The following TASP1 variants were observed in gnomAD, a reference collection of about 807,000 sequenced individuals.
TASP1 encodes taspase 1.
A neutral mutation model predicts 56.6 loss-of-function variants in TASP1; 16 were observed. The observed-to-expected ratio is 0.28, with a 90% CI of 0.19 to 0.43. The LOEUF is 0.43. TASP1 is among the 20% of genes least tolerant of loss of function. The pLI, the probability that TASP1 is intolerant of heterozygous loss-of-function variation, is 1.00. For synonymous variants in TASP1, 179 were observed against 184.2 expected, an observed-to-expected ratio of 0.97 and a Z score of 0.23; for missense variants, 393 against 511.6, an observed-to-expected ratio of 0.77 and a Z score of 2.24.
At chr20:13,329,070 G>A in the TASP1 span, among the ~76,000 whole-genome samples, 41 of 152,140 alleles carry the variant, frequency 2.7e-4, no homozygotes, top group Non-Finnish European at 5.6e-4. Context: ...AGCATTTGTA[G>A]CCTTTGGCAT....
At position 13,417,474 on chromosome 20, in the gene TASP1, T is replaced by A. The variant is rs769677913; in HGVS notation, c.1144A>T (p.Met382Leu). 1 of 1,614,166 alleles carries A rather than the reference T, an allele frequency of 6.2e-7. No homozygotes were observed. Among genetic ancestry groups the A allele is most frequent in the Admixed American group, 1.7e-5 (1 of 60,022 alleles). ...TTGGCTTTCCCATCCTGGGCTGACA[T>A]ATATCCGACACACATGCTCTCCGTC... ...HTTESMCVGY[M>L]SAQDGKAKTH... Residue 382 changes from methionine to leucine, a missense_variant, in exon 13 of 14, where the codon ATG becomes TTG. Met to Leu is a conservative substitution (Grantham distance 15). Around this residue, in one of 3 missense-constraint regions of TASP1, gnomAD observed 293 missense variants for 354.2 expected, o/e 0.83. Coordinates refer to ENST00000337743, the MANE Select transcript of TASP1 (RefSeq NM_017714.3).
chr20:13,472,486 G>T (rs1312499112), intron 11 of TASP1, among the ~76,000 whole-genome samples: 1 of 150,970 alleles, frequency 6.6e-6, no homozygotes, highest in South Asian at 2.1e-4. Context: ...TGACAAATGG[G>T]ATCTAATTCG....
the TASP1 span, among the ~76,000 whole-genome samples, chr20:13,273,229 T>TATTTTATTTTATTTTATTTTATTTC: frequency 2.0e-5 from 3 of 148,300 alleles, no homozygotes; most frequent in Non-Finnish European, 4.4e-5. Flanking sequence ...TATTTTATTT[T>TATTTTATTTTATTTTATTTTATTTC]ATTTTATTTT....
intron 11 of TASP1, among the ~76,000 whole-genome samples, chr20:13,454,621 C>G (rs2043758478): frequency 6.6e-6 from 1 of 152,318 alleles, no homozygotes; most frequent in Admixed American, 6.5e-5. Flanking sequence ...CAAGTGGTTA[C>G]TAACCTCGAC....
At chr20:13,621,306 C>T (rs1393077925) in intron 4 of TASP1, among the ~76,000 whole-genome samples, 10 of 152,000 alleles carry the variant, frequency 6.6e-5, no homozygotes, top group Admixed American at 5.9e-4. Flanking sequence ...TGGTGCATGC[C>T]TGTAGTCCCA....
chr20:13,447,537 A>T (rs991733711), intron 11 of TASP1, among the ~76,000 whole-genome samples: 13 of 152,076 alleles, frequency 8.5e-5, no homozygotes, highest in African/African-American at 2.9e-4. Flanking sequence ...ACTAGCACAA[A>T]TTTTATTGGC....
the TASP1 span, among the ~76,000 whole-genome samples, chr20:13,229,878 T>G: frequency 6.6e-6 from 1 of 152,190 alleles, no homozygotes; most frequent in African/African-American, 2.4e-5. Context: ...CCAATTCTGT[T>G]GTGGATTGAC....
chr20:13,187,134 GA>G, the TASP1 span, among the ~76,000 whole-genome samples: 1 of 152,070 alleles, frequency 6.6e-6, no homozygotes, highest in Non-Finnish European at 1.5e-5. Flanking sequence ...ATTGAGAAAA[GA>G]ATCAGCGCGC....
chr20:13,386,546 C>G (rs1261393525), downstream of TASP1, among the ~76,000 whole-genome samples: 3 of 152,050 alleles, frequency 2.0e-5, no homozygotes, highest in African/African-American at 4.8e-5. Flanking sequence ...AAGAATGATG[C>G]TCTTTTCTAA....
intron 4 of TASP1, among the ~76,000 whole-genome samples, chr20:13,599,330 T>C (rs886176945): frequency 6.6e-6 from 1 of 152,170 alleles, no homozygotes; most frequent in Non-Finnish European, 1.5e-5. Context: ...ATATACACCA[T>C]GGAATTCTAT....
the TASP1 span, among the ~76,000 whole-genome samples, chr20:13,364,754 T>C: frequency 6.6e-6 from 1 of 152,080 alleles, no homozygotes; most frequent in African/African-American, 2.4e-5. Flanking sequence ...TTGCTGTTCG[T>C]TAGATTGCTG....
chr20:13,457,037 C>T (rs1164925384), intron 11 of TASP1, among the ~76,000 whole-genome samples: 1 of 151,914 alleles, frequency 6.6e-6, no homozygotes, highest in South Asian at 2.1e-4. Flanking sequence ...AACCAAACAC[C>T]GCATGTTCTC....
At chr20:13,593,125 G>A (rs1240257341) in intron 4 of TASP1, among the ~76,000 whole-genome samples, 1 of 152,104 alleles carries the variant, frequency 6.6e-6, no homozygotes, top group Non-Finnish European at 1.5e-5. Flanking sequence ...TCCAGGAATA[G>A]AGGAGAATTT....
chr20:13,177,748 TA>T, the TASP1 span, among the ~76,000 whole-genome samples: 2 of 152,100 alleles, frequency 1.3e-5, no homozygotes, highest in South Asian at 4.1e-4. Context: ...TCTCATTGTA[TA>T]AAAAAATCAA....
chr20:13,486,352 T>C (rs544534482), intron 10 of TASP1, among the ~76,000 whole-genome samples: 4 of 152,294 alleles, frequency 2.6e-5, no homozygotes, highest in African/African-American at 9.6e-5. Flanking sequence ...ACAAGATTCC[T>C]AGAAGTAAAA....
At chr20:13,470,660 C>T (rs1286207693) in intron 11 of TASP1, among the ~76,000 whole-genome samples, 3 of 152,150 alleles carry the variant, frequency 2.0e-5, no homozygotes, top group African/African-American at 7.2e-5. Context: ...TGTGTACTAA[C>T]TTGTACACAT....
the TASP1 span, among the ~76,000 whole-genome samples, chr20:13,268,406 A>G: frequency 8.9e-6 from 1 of 112,570 alleles, no homozygotes; most frequent in African/African-American, 3.5e-5. Context: ...CTCTCTCTCC[A>G]TGCTAGGTTC....
intron 1 of TASP1, among the ~76,000 whole-genome samples, chr20:13,632,502 G>A (rs1222942613): frequency 6.6e-6 from 1 of 152,020 alleles, no homozygotes; most frequent in Non-Finnish European, 1.5e-5. Flanking sequence ...GCTTCTCAAC[G>A]TTGTCTAAAA....
At chr20:13,284,121 T>C in the TASP1 span, among the ~76,000 whole-genome samples, 1 of 152,354 alleles carries the variant, frequency 6.6e-6, no homozygotes, top group Non-Finnish European at 1.5e-5. Context: ...AGGGTTGTTG[T>C]AGGAGTTAAA....
Sources: allele counts gnomAD v4.1 joint callset (sites outside exome capture counted in the v4.1 genomes callset), GRCh38; gene constraint gnomAD v4.1.1; regional missense constraint gnomAD v4.1.1; transcripts MANE v1.5; gene names NCBI Gene and HGNC (gene_info 2026-07-23, HGNC 2026-07-21).